Variants in HSD17B4 observed in about 807,000 individuals in gnomAD.
The protein encoded by HSD17B4 is hydroxysteroid 17-beta dehydrogenase 4, also known as peroxisomal multifunctional enzyme type 2.
A neutral mutation model predicts 101.0 loss-of-function variants in HSD17B4; 70 were observed. That is an observed-to-expected ratio of 0.69 (90% CI 0.57 to 0.85). The LOEUF is 0.85. Among genes scored for constraint, HSD17B4 ranks in the 40% least tolerant of loss-of-function variants. HSD17B4 has a pLI of 0.00. For missense variants in HSD17B4, 984 were observed against 892.4 expected (o/e 1.10, Z -1.31); for synonymous variants, 347 against 297.1 (o/e 1.17, Z -1.73).
In HSD17B4 at chr5:119,492,092, T is replaced by G. The variant is rs1750161248; in HGVS notation, c.715-8T>G. The G allele has an allele frequency of 6.2e-7, 1 of 1,606,634 alleles. No individual in the cohort carries two copies. The highest frequency in any genetic ancestry group is 8.5e-7 in the Non-Finnish European group (1 of 1,173,424). On this transcript the variant is annotated splice_polypyrimidine_tract_variant and splice_region_variant and intron_variant, in intron 9 of 23. Transcript: ENST00000510025. ...GATGGTATAATGTTTTCCCCCTCTT[T>G]TTGGTAGGTTGGAGCAGGATGGATT...
At chr5:119,536,310 A>G (rs1183526189) in intron 22 of HSD17B4, 113 bp from the exon 23 acceptor site, 1 of 952,290 alleles carries the variant, frequency 1.1e-6, no homozygotes, top group African/African-American at 1.6e-5. Context: ...GTGTAGAATA[A>G]GTGCCACATT....
At chr5:119,527,909 A>G (rs774887861) in intron 20 of HSD17B4, among the ~76,000 whole-genome samples, 3 of 152,116 alleles carry the variant, frequency 2.0e-5, no homozygotes, top group South Asian at 2.1e-4. Flanking sequence ...GCTGTTAGCA[A>G]TGCTCCAGTA....
chr5:119,502,590 T>C (rs983248785), intron 14 of HSD17B4, among the ~76,000 whole-genome samples: 1 of 150,976 alleles, frequency 6.6e-6, no homozygotes, highest in Admixed American at 6.6e-5. Flanking sequence ...GTAAATCTCT[T>C]TTAATTTTTT....
chr5:119,452,805 C>G, intron 1 of HSD17B4, 172 bp downstream of exon 1: 15 of 1,538,894 alleles, frequency 9.7e-6, no homozygotes, highest in Non-Finnish European at 1.3e-5. Context: ...GCCGGAAACA[C>G]CTGGTCTCTC....
chr5:119,534,861 T>C (rs983800831), intron 22 of HSD17B4, among the ~76,000 whole-genome samples: 2 of 152,146 alleles, frequency 1.3e-5, no homozygotes, highest in African/African-American at 4.8e-5. Context: ...TGCGTGCTCA[T>C]GTACATTTAT....
intron 12 of HSD17B4, among the ~76,000 whole-genome samples, chr5:119,497,371 C>T (rs1392701395): frequency 2.0e-5 from 3 of 152,174 alleles, no homozygotes; most frequent in African/African-American, 7.2e-5. Flanking sequence ...TGTGGCTAAA[C>T]TGATATCTAG....
rs765961638 is a variant in HSD17B4, at chr5:119,529,959, T to C, written c.1833T>C (p.Thr611=). 1.2e-6 allele frequency: 2 copies of C among 1,605,854 alleles called. No individual in the cohort carries two copies. The highest frequency in any genetic ancestry group is 1.7e-6 in the Non-Finnish European group (2 of 1,172,896). Residue 611 remains threonine, a synonymous_variant, in exon 21 of 24, where the codon ACT becomes ACC. Coordinates refer to ENST00000510025, the MANE Select transcript of HSD17B4 (RefSeq NM_000414.4). ...AYVDLAPTSG[T]SAKTPSEGGK... Reference sequence around the variant, plus strand: ...TGGATCTTGCACCAACATCTGGTACTTCAGCTAAGACACCCTCTGAGGTAG... The same window carrying C: ...TGGATCTTGCACCAACATCTGGTACCTCAGCTAAGACACCCTCTGAGGTAG...
chr5:119,472,903 C>T (rs1302803968), intron 2 of HSD17B4, among the ~76,000 whole-genome samples: 6 of 152,156 alleles, frequency 3.9e-5, no homozygotes, highest in East Asian at 1.9e-4. Context: ...TCACTTATTT[C>T]GTTTAACATA....
At chr5:119,507,840 A>G (rs1005054066) in intron 15 of HSD17B4, among the ~76,000 whole-genome samples, 2 of 152,046 alleles carry the variant, frequency 1.3e-5, no homozygotes, top group African/African-American at 4.8e-5. Flanking sequence ...TTAAATTTAA[A>G]TTTAAGTTTA....
chr5:119,527,769 C>G (rs1753733497), intron 20 of HSD17B4, among the ~76,000 whole-genome samples: 1 of 152,078 alleles, frequency 6.6e-6, no homozygotes, highest in Non-Finnish European at 1.5e-5. Context: ...ACAATAAAAT[C>G]TTATCCTTTA....
intron 2 of HSD17B4, among the ~76,000 whole-genome samples, chr5:119,457,966 G>C (rs1754839118): frequency 6.6e-6 from 1 of 152,132 alleles, no homozygotes; most frequent in Admixed American, 6.5e-5. Context: ...TTTTATAACA[G>C]TGTGTTCCTG....
intron 9 of HSD17B4, 103 bp from the exon 10 acceptor site, chr5:119,491,997 A>G: frequency 1.1e-6 from 1 of 887,044 alleles, no homozygotes; most frequent in South Asian, 1.3e-5. Context: ...GTTGCCTTGA[A>G]TTCTAATACT....
At chr5:119,517,511 A>G (rs1212285034) in intron 17 of HSD17B4, among the ~76,000 whole-genome samples, 4 of 152,264 alleles carry the variant, frequency 2.6e-5, no homozygotes, top group African/African-American at 7.2e-5. Flanking sequence ...CGGGACTGGC[A>G]GGCAGCTCCA....
intron 8 of HSD17B4, among the ~76,000 whole-genome samples, 177 bp downstream of exon 8, chr5:119,479,198 T>TA (rs955829757): frequency 6.6e-5 from 10 of 152,178 alleles, no homozygotes; most frequent in Non-Finnish European, 1.3e-4. Flanking sequence ...AAGGAAAAAA[T>TA]AAAAAATGAC....
chr5:119,541,880 C>G (rs1265379272), intron 23 of HSD17B4, 25 bp from the exon 24 acceptor site: 1 of 1,405,000 alleles, frequency 7.1e-7, no homozygotes, highest in East Asian at 2.3e-5. Flanking sequence ...ACAGTTGGCA[C>G]TCTTTTTCCC....
chr5:119,524,963 G>C (rs1265279535), intron 17 of HSD17B4, among the ~76,000 whole-genome samples: 1 of 152,052 alleles, frequency 6.6e-6, no homozygotes, highest in Non-Finnish European at 1.5e-5. Context: ...AGTAGTAACA[G>C]TGTTTTACCT....
At chr5:119,481,069 A>G (rs2126711304) in intron 8 of HSD17B4, among the ~76,000 whole-genome samples, 1 of 152,300 alleles carries the variant, frequency 6.6e-6, no homozygotes, top group Admixed American at 6.5e-5. Flanking sequence ...AGTTAATGCA[A>G]TTATCACATA....
In HSD17B4 at chr5:119,541,984, C is replaced by A. The variant is rs997436670; in HGVS notation, c.2201C>A (p.Ala734Asp). Residue 734 changes from alanine (A) to aspartate (D), a missense_variant, in exon 24 of 24, where the codon GCC becomes GAC. Transcript: ENST00000510025. ...CTTCAGATGATTCTTAAAGACTACG[C>A]CAAGCTCTGAAGGGCACACTACACT... ...QKLQMILKDY[A>D]KL 2 of 1,608,442 alleles carry A rather than the reference C, an allele frequency of 1.2e-6. No homozygotes were observed. Among genetic ancestry groups the A allele is most frequent in the Non-Finnish European group, 1.7e-6 (2 of 1,175,294 alleles).
intron 17 of HSD17B4, among the ~76,000 whole-genome samples, chr5:119,520,733 C>G (rs956026107): frequency 6.6e-6 from 1 of 151,972 alleles, no homozygotes; most frequent in Non-Finnish European, 1.5e-5. Context: ...AAGAATAAGT[C>G]CATTCGAGGT....
Sources: allele counts gnomAD v4.1 joint callset (sites outside exome capture counted in the v4.1 genomes callset), GRCh38; gene constraint gnomAD v4.1.1; transcripts MANE v1.5; gene names NCBI Gene and HGNC (gene_info 2026-07-23, HGNC 2026-07-21).